Variants in PHF14 observed in about 807,000 individuals in gnomAD.
PHF14 encodes the protein PHD finger protein 14.
A neutral mutation model predicts 117.9 loss-of-function variants in PHF14; 55 were observed. The observed-to-expected ratio is 0.47, with a 90% CI of 0.38 to 0.58. The LOEUF is 0.58. Ranked by LOEUF, PHF14 falls within the 20% of genes least tolerant of loss-of-function variation. The pLI, the probability that PHF14 is intolerant of heterozygous loss-of-function variation, is 0.00. For synonymous variants in PHF14, 409 were observed against 368.6 expected (o/e 1.11, Z -1.26); for missense variants, 978 against 1,122.2 (o/e 0.87, Z 1.84).
At chr7:11,016,538 C>T (rs9639071) in intron 5 of PHF14, among the ~76,000 whole-genome samples, 54,643 of 151,712 alleles carry the variant, frequency 0.36, 10,484 homozygotes, top group East Asian at 0.75. Flanking sequence ...GAGAGTAAGA[C>T]TTATAAACCT....
At position 10,983,000 on chromosome 7, in the gene PHF14, T is replaced by A. The variant is rs1782094856; in HGVS notation, c.741T>A (p.Asp247Glu). Residue 247 changes from aspartate to glutamate, a missense_variant, in exon 3 of 18, where the codon GAT (aspartate) becomes GAA (glutamate). Physicochemically the swap from Asp to Glu is conservative, Grantham distance 45. Coordinates refer to ENST00000634607, the MANE Select transcript of PHF14 (RefSeq NM_001007157.2). ...EDDEDEGSGS[D>E]EDENDEGNDE... ...ATGAAGATGAGGGAAGCGGGAGTGA[T>A]GAAGACGAGAATGATGAAGGCAATG... 1 of 1,582,852 alleles carries A rather than the reference T, an allele frequency of 6.3e-7. No individual in the cohort carries two copies. Among genetic ancestry groups the A allele is most frequent in the African/African-American group, 1.3e-5 (1 of 74,388 alleles).
At chr7:11,088,613 A>G (rs1011081319) in intron 16 of PHF14, among the ~76,000 whole-genome samples, 1 of 152,098 alleles carries the variant, frequency 6.6e-6, no homozygotes, top group African/African-American at 2.4e-5. Flanking sequence ...TTTGTTAGTC[A>G]TGAAATTTTT....
chr7:11,068,916 C>T (rs1230571429), intron 16 of PHF14, among the ~76,000 whole-genome samples: 5 of 151,938 alleles, frequency 3.3e-5, no homozygotes, highest in Admixed American at 1.3e-4. Flanking sequence ...GATGTAGTTT[C>T]GACTTTAGGA....
rs542354455 is a variant in PHF14 at position 11,096,247 on chromosome 7, A to G, written c.2655-15103A>G. 2.6e-5 allele frequency among the ~76,000 whole-genome samples: 4 copies of G among 152,314 alleles called. No individual in the cohort carries two copies. In the East Asian group the frequency reaches 7.7e-4, roughly 29 times the overall value. ...GGGCCATCCATGTATTTTGTAAAGA[A>G]GATCATCCTGCATAATTACTCTTTA... On this transcript the variant is annotated intron_variant, in intron 16 of 17. Transcript: ENST00000634607.
rs199498346 is a variant in PHF14 at position 11,088,420 on chromosome 7, A to ACG, written c.2655-22929_2655-22928insGC. The stretch of plus-strand genomic sequence containing the variant: ...TACACACAAACACACACACACACGC[A>ACG]CACACACACACAGTCCTATTTCCCA... On this transcript the variant is annotated intron_variant, in intron 16 of 17. Transcript: ENST00000634607. Among the ~76,000 whole-genome samples, 1,044 of 150,856 alleles carry ACG rather than the reference A, an allele frequency of 6.9e-3. 13 individuals carry two copies. Among genetic ancestry groups the ACG allele is most frequent in the African/African-American group, 0.021 (881 of 41,052 alleles).
At chr7:10,998,995 A>G (rs1420867339) in intron 4 of PHF14, among the ~76,000 whole-genome samples, 2 of 152,196 alleles carry the variant, frequency 1.3e-5, no homozygotes, top group Non-Finnish European at 2.9e-5. Flanking sequence ...GAAATCGTAC[A>G]CATTTAGGAT....
In PHF14 at chr7:10,985,636, C is replaced by CCGGTTTTTTTTTT. The variant is rs750860479; in HGVS notation, c.900+2477_900+2478insCGGTTTTTTTTTT. On this transcript the variant is annotated intron_variant, in intron 3 of 17. Coordinates refer to ENST00000634607, the MANE Select transcript of PHF14 (RefSeq NM_001007157.2). Reference sequence around the variant, plus strand: ...ATACTCTCTAGCAGTGATTCTCAAACTGTTTTTTTTTTTTTTTTTTTTTTT... The same window carrying CCGGTTTTTTTTTT: ...ATACTCTCTAGCAGTGATTCTCAAACCGGTTTTTTTTTTTGTTTTTTTTTTTTTTTTTTTTTTT... Among the ~76,000 whole-genome samples the CCGGTTTTTTTTTT allele has an allele frequency of 3.0e-4, 27 of 90,858 alleles. No homozygotes were observed. In the East Asian group the frequency reaches 4.5e-3, roughly 15 times the overall value. 59.6% of individuals were successfully genotyped at this position (90,858 alleles called of 152,430 possible).
chr7:11,039,461 T>C (rs1397094653), intron 11 of PHF14, among the ~76,000 whole-genome samples: 1 of 152,218 alleles, frequency 6.6e-6, no homozygotes, highest in Non-Finnish European at 1.5e-5. Flanking sequence ...TGAATAATTA[T>C]TGTTAGATGG....
At chr7:11,065,427 C>G (rs1030580381) in intron 16 of PHF14, among the ~76,000 whole-genome samples, 25 of 152,084 alleles carry the variant, frequency 1.6e-4, no homozygotes, top group African/African-American at 5.8e-4. Context: ...TCAGAAAATG[C>G]TTGGTAAATG....
At chr7:11,010,144 A>G (rs1783293270) in intron 4 of PHF14, among the ~76,000 whole-genome samples, 1 of 152,144 alleles carries the variant, frequency 6.6e-6, no homozygotes, top group African/African-American at 2.4e-5. Context: ...TATTTTGTAA[A>G]TAAAATATAT....
At chr7:11,066,526 T>G (rs1340079749) in intron 16 of PHF14, among the ~76,000 whole-genome samples, 1 of 152,240 alleles carries the variant, frequency 6.6e-6, no homozygotes, top group African/African-American at 2.4e-5. Flanking sequence ...CTTTCTTCTT[T>G]GTTTTCTTCT....
intron 16 of PHF14, chr7:11,105,376 C>T (rs1787223907): frequency 1.1e-6 from 1 of 952,236 alleles, no homozygotes; most frequent in Non-Finnish European, 1.2e-6. Flanking sequence ...TAATGAAAAC[C>T]ACTGGTTTTA....
intron 4 of PHF14, among the ~76,000 whole-genome samples, chr7:11,001,082 G>A (rs1782856005): frequency 2.0e-5 from 3 of 151,448 alleles, no homozygotes; most frequent in South Asian, 2.1e-4. Flanking sequence ...ACGAGTATAC[G>A]GTCTGTCTCG....
intron 16 of PHF14, among the ~76,000 whole-genome samples, chr7:11,074,421 A>G (rs1785749253): frequency 6.6e-6 from 1 of 152,058 alleles, no homozygotes; most frequent in Non-Finnish European, 1.5e-5. Flanking sequence ...CGTGTTAGCC[A>G]GGATGGTCTC....
chr7:11,000,334 CTTTTTTTT>C (rs71023882), intron 4 of PHF14, among the ~76,000 whole-genome samples: 1 of 60,346 alleles, frequency 1.7e-5, no homozygotes, highest in Non-Finnish European at 3.0e-5. Flanking sequence ...GCTTATTTGC[CTTTTTTTT>C]TTTTTTTTTT....
rs141745397 is a variant in PHF14 at position 11,080,079 on chromosome 7, G to C, written c.2654+17994G>C. On this transcript the variant is annotated intron_variant, in intron 16 of 17. Transcript: ENST00000634607. Reference sequence around the variant, plus strand: ...TTTTACTACGAATGAATGTCATAAAGTTATTCCACGTAAAATGAGTTCAAA... The same window carrying C: ...TTTTACTACGAATGAATGTCATAAACTTATTCCACGTAAAATGAGTTCAAA... Among the ~76,000 whole-genome samples, 21 of 152,204 alleles carry C rather than the reference G, an allele frequency of 1.4e-4. No homozygotes were observed. The East Asian group carries it at 4.1e-3, about 29-fold the overall frequency.
chr7:10,993,106 T>G (rs964743146), intron 4 of PHF14, among the ~76,000 whole-genome samples: 9 of 152,186 alleles, frequency 5.9e-5, no homozygotes, highest in African/African-American at 1.9e-4. Flanking sequence ...TTTTCTCATT[T>G]TTATTGCATA....
At chr7:11,131,650 T>C (rs1788094642) in intron 17 of PHF14, among the ~76,000 whole-genome samples, 1 of 151,988 alleles carries the variant, frequency 6.6e-6, no homozygotes, top group African/African-American at 2.4e-5. Context: ...AAGTCCAGCT[T>C]AATTTTTTTC....
At chr7:11,116,758 A>G (rs1430206704) in intron 17 of PHF14, among the ~76,000 whole-genome samples, 2 of 151,972 alleles carry the variant, frequency 1.3e-5, no homozygotes, top group African/African-American at 4.8e-5. Flanking sequence ...TTTTATGAGC[A>G]GTTAGGAATA....
Sources: gnomAD v4.1 joint callset for allele counts (sites outside exome capture counted in the v4.1 genomes callset) on GRCh38, gnomAD v4.1.1 for gene constraint, MANE v1.5 for transcripts, NCBI Gene and HGNC (gene_info 2026-07-23, HGNC 2026-07-21) for gene names.